LRRK2: variants seen among roughly 807,000 people sequenced by gnomAD.
The protein encoded by LRRK2 is leucine-rich repeat serine/threonine-protein kinase 2.
Under a neutral mutation model 302.6 loss-of-function variants are expected in LRRK2, and 203 were observed. The ratio of observed to expected loss-of-function variants is 0.67; its 90% CI spans 0.60 to 0.75. The LOEUF is 0.75. LRRK2 is among the 30% of genes least tolerant of loss of function. LRRK2 has a pLI of 0.00. For synonymous variants in LRRK2, 1,066 were observed against 1,031.9 expected (o/e 1.03, Z -0.63); for missense variants, 2,830 against 2,951.0 (o/e 0.96, Z 0.95).
intron 48 of LRRK2, 129 bp downstream of exon 48, chr12:40,363,683 G>A: frequency 1.0e-6 from 1 of 971,008 alleles, no homozygotes; most frequent in South Asian, 1.5e-5. Flanking sequence ...AAAAAAATTT[G>A]TAATGCTTCT....
At chr12:40,300,883 C>G (rs1944598736) in intron 25 of LRRK2, 1 of 470,978 alleles carries the variant, frequency 2.1e-6, no homozygotes, top group Admixed American at 2.3e-5. Context: ...ATTTCTGTGC[C>G]TGTGACATTT....
intron 29 of LRRK2, 108 bp downstream of exon 29, chr12:40,308,804 G>T: frequency 9.4e-7 from 1 of 1,066,830 alleles, no homozygotes; most frequent in Non-Finnish European, 1.4e-6. Flanking sequence ...TAGACTGTAT[G>T]GAATTATTCC....
At chr12:40,265,205 G>C (rs1003879306) in intron 14 of LRRK2, among the ~76,000 whole-genome samples, 1 of 152,084 alleles carries the variant, frequency 6.6e-6, no homozygotes, top group Admixed American at 6.6e-5. Context: ...AGAAATATTT[G>C]TTGAAAATAA....
intron 14 of LRRK2, among the ~76,000 whole-genome samples, chr12:40,265,772 C>T (rs1046800552): frequency 6.6e-6 from 1 of 152,054 alleles, no homozygotes; most frequent in African/African-American, 2.4e-5. Context: ...CTACAGTAAC[C>T]AAAACAGCAT....
chr12:40,351,732 A>G lies in LRRK2; in HGVS notation c.6575A>G (p.Glu2192Gly), dbSNP rs760376371. The part of the protein sequence containing the change: ...LDLNTEGYTS[E>G]EVADSRILCL... Reference sequence around the variant, plus strand: ...TTAAATACTGAAGGATACACTTCTGAGGTAAATCCAAATGCTCTTTAAATC... The same window carrying G: ...TTAAATACTGAAGGATACACTTCTGGGGTAAATCCAAATGCTCTTTAAATC... Residue 2192 changes from glutamate (E) to glycine (G), a missense_variant and splice_region_variant, in exon 44 of 51, where the codon GAG (glutamate) becomes GGG (glycine). Around this residue, in one of 3 missense-constraint regions of LRRK2, gnomAD observed 456 missense variants for 456.3 expected, o/e 1.00. Transcript: ENST00000298910. The G allele has an allele frequency of 2.5e-6, 4 of 1,614,040 alleles. No individual in the cohort carries two copies. The East Asian group carries it at 6.7e-5, about 27-fold the overall frequency.
intron 48 of LRRK2, among the ~76,000 whole-genome samples, chr12:40,363,995 G>A (rs1946799237): frequency 6.6e-6 from 1 of 151,930 alleles, no homozygotes; most frequent in African/African-American, 2.4e-5. Context: ...AAGGAGTGGG[G>A]ATCAAGACCC....
chr12:40,249,979 G>A, intron 8 of LRRK2, 34 bp downstream of exon 8: 1 of 1,611,206 alleles, frequency 6.2e-7, no homozygotes, highest in Non-Finnish European at 8.5e-7. Flanking sequence ...GATTCTTACA[G>A]AGGCATTTGA....
At chr12:40,239,959 G>A (rs1051042085) in intron 5 of LRRK2, among the ~76,000 whole-genome samples, 2 of 152,082 alleles carry the variant, frequency 1.3e-5, no homozygotes, top group African/African-American at 4.8e-5. Context: ...GACTTTAATT[G>A]TGAAAATTAA....
chr12:40,329,124 A>T (rs187990423), intron 39 of LRRK2, among the ~76,000 whole-genome samples: 1 of 152,176 alleles, frequency 6.6e-6, no homozygotes, highest in African/African-American at 2.4e-5. Flanking sequence ...TCTTTTCTGG[A>T]TTTATCCACT....
Position 40,274,912 on chromosome 12 carries a change from C to T in LRRK2, c.1860C>T (p.Phe620=). The T allele has an allele frequency of 6.2e-7, 1 of 1,613,312 alleles. No homozygotes were observed. Among genetic ancestry groups the T allele is most frequent in the South Asian group, 1.1e-5 (1 of 91,046 alleles). Residue 620 remains phenylalanine, a synonymous_variant, in exon 16 of 51, where the codon TTC becomes TTT. Transcript: ENST00000298910. ...IGYLITKKNV[F]IGTGHLLAKI... ...ACTTGATTACAAAGAAGAATGTGTT[C>T]ATAGGAACTGGACATCTGCTGGCAA... is the stretch of plus-strand genomic sequence containing the variant.
chr12:40,253,633 C>T (rs568557599), intron 11 of LRRK2, among the ~76,000 whole-genome samples: 1 of 152,220 alleles, frequency 6.6e-6, no homozygotes, highest in Non-Finnish European at 1.5e-5. Flanking sequence ...CTGCCTTGGC[C>T]TCCCAAGTGC....
chr12:40,254,746 C>T (rs540725385), intron 11 of LRRK2, among the ~76,000 whole-genome samples: 1 of 152,284 alleles, frequency 6.6e-6, no homozygotes, highest in East Asian at 1.9e-4. Context: ...ATTCAGAGTC[C>T]ACCCTGATGT....
At chr12:40,249,294 G>C (rs1289210900) in intron 7 of LRRK2, among the ~76,000 whole-genome samples, 4 of 151,818 alleles carry the variant, frequency 2.6e-5, no homozygotes, top group Middle Eastern at 6.8e-3. Context: ...TTCTTCCTGG[G>C]GTGGGTTGGA....
At chr12:40,301,957 T>TCACAA (rs1944644373) in intron 25 of LRRK2, among the ~76,000 whole-genome samples, 1 of 152,118 alleles carries the variant, frequency 6.6e-6, no homozygotes, top group African/African-American at 2.4e-5. Flanking sequence ...GGCGGGCAGA[T>TCACAA]CACAAGGTCA....
chr12:40,250,752 C>T (rs140141328), intron 8 of LRRK2, among the ~76,000 whole-genome samples: 105 of 152,266 alleles, frequency 6.9e-4, no homozygotes, highest in African/African-American at 2.3e-3. Context: ...AGTGAGAACA[C>T]GCAGTGTGTG....
intron 2 of LRRK2, among the ~76,000 whole-genome samples, chr12:40,226,497 A>G (rs760548764): frequency 2.0e-5 from 3 of 152,218 alleles, no homozygotes; most frequent in Non-Finnish European, 2.9e-5. Flanking sequence ...GAGGCTTGAC[A>G]GACATGAGGC....
intron 4 of LRRK2, among the ~76,000 whole-genome samples, chr12:40,235,921 ATTCT>A (rs374837297): frequency 1.9e-4 from 29 of 151,928 alleles, no homozygotes; most frequent in African/African-American, 7.0e-4. Flanking sequence ...TATTTCCAAA[ATTCT>A]TTCTGTTTCC....
rs750105452 is a variant in LRRK2 at position 40,257,271 on chromosome 12, T to C, written c.1312T>C (p.Ser438Pro). Residue 438 changes from serine to proline, a missense_variant, in exon 12 of 51, where the codon TCA becomes CCA. This residue lies in a region of LRRK2 where 2,121 missense variants were observed against 2,148.0 expected (regional missense o/e 0.99). Transcript: ENST00000298910. ...AGTTAATTTCAGAAAAATACTGTTA[T>C]CAAAAGGAATACACCTGAATGTTTT... ...QNVNFRKILL[S>P]KGIHLNVLEL... 23 of 1,579,970 alleles carry C rather than the reference T, an allele frequency of 1.5e-5. No homozygotes were observed. In the East Asian group the frequency reaches 5.2e-4, roughly 35 times the overall value.
At chr12:40,343,433 G>A (rs1356571822) in intron 41 of LRRK2, among the ~76,000 whole-genome samples, 1 of 152,108 alleles carries the variant, frequency 6.6e-6, no homozygotes, top group Non-Finnish European at 1.5e-5. Context: ...TAAATAAAAT[G>A]TTACCGGCTG....
Sources: gnomAD v4.1 joint callset for allele counts (sites outside exome capture counted in the v4.1 genomes callset) on GRCh38, gnomAD v4.1.1 for gene constraint, gnomAD v4.1.1 regional missense constraint, MANE v1.5 for transcripts, NCBI Gene and HGNC (gene_info 2026-07-23, HGNC 2026-07-21) for gene names.